The following AP1B1 variants were observed in gnomAD, a reference collection of about 807,000 sequenced individuals.
AP1B1 encodes adaptor related protein complex 1 subunit beta 1, also known as AP-1 complex subunit beta-1.
Under a neutral mutation model 104.3 loss-of-function variants are expected in AP1B1, and 36 were observed. The ratio of observed to expected loss-of-function variants is 0.35; its 90% CI spans 0.26 to 0.46. AP1B1 has a LOEUF of 0.46. Among genes scored for constraint, AP1B1 ranks in the 20% least tolerant of loss-of-function variants. The probability of loss-of-function intolerance (pLI) is 1.00; values close to 1 mark genes in which losing one functional copy is unlikely to be tolerated. For synonymous variants in AP1B1, 504 were observed against 517.5 expected, an observed-to-expected ratio of 0.97 and a Z score of 0.35; for missense variants, 901 against 1,247.9, an observed-to-expected ratio of 0.72 and a Z score of 4.19.
intron 1 of AP1B1, among the ~76,000 whole-genome samples, chr22:29,380,234 T>G (rs2148053169): frequency 6.6e-6 from 1 of 152,302 alleles, no homozygotes; most frequent in South Asian, 2.1e-4. Context: ...TACGCCACTG[T>G]CTGCGCCTTC....
At chr22:29,343,128 A>G (rs2061738846) in intron 11 of AP1B1, among the ~76,000 whole-genome samples, 1 of 152,260 alleles carries the variant, frequency 6.6e-6, no homozygotes, top group African/African-American at 2.4e-5. Context: ...CACTTAAGAA[A>G]TACTTGCTGA....
Position 29,334,364 on chromosome 22 carries a change from G to A in AP1B1, c.2210C>T (p.Thr737Ile), listed in dbSNP as rs1325614008. 1.2e-6 allele frequency: 2 copies of A among 1,611,346 alleles called. No homozygotes were observed. The highest frequency in any genetic ancestry group is 2.2e-5 in the East Asian group (1 of 44,650). The change falls in exon 17 of 23, where the codon ACC becomes ATC. Residue 737 changes from threonine (T) to isoleucine (I), a missense_variant. Physicochemically the swap from Thr to Ile is moderately conservative, Grantham distance 89. Coordinates refer to ENST00000357586, the MANE Select transcript of AP1B1 (RefSeq NM_001127.4). ...MKAKGLEISGTFTRQVGSISM... is the reference protein window; with the variant it reads ...MKAKGLEISGIFTRQVGSISM... ...GATGGAGCCCACCTGGCGGGTGAAG[G>A]TGCCTGAGATCTCCAGCCCCTTAGC... is the stretch of plus-strand genomic sequence containing the variant.
At position 29,328,648 on chromosome 22, in the gene AP1B1, A is replaced by AG; in HGVS notation, c.*172dup. Reference sequence around the variant, plus strand: ...GAGTGCACTGCGCTCTCACCCCAGGAGGGGGTGGTGCCCTACCCCAGGGAT... The same window carrying AG: ...GAGTGCACTGCGCTCTCACCCCAGGAGGGGGGTGGTGCCCTACCCCAGGGAT... On this transcript the variant is annotated 3_prime_UTR_variant, in exon 23 of 23. Transcript: ENST00000357586. This position sits in a 1 kb window ranked among gnomAD's most constrained non-coding sequence, Gnocchi z 4.1. The AG allele has an allele frequency of 1.4e-6, 1 of 735,280 alleles. No homozygotes were observed. 45.5% of individuals were successfully genotyped at this position (735,280 alleles called of 1,614,324 possible).
chr22:29,339,423 C>A (rs140415745), intron 15 of AP1B1, among the ~76,000 whole-genome samples: 1 of 152,238 alleles, frequency 6.6e-6, no homozygotes, highest in East Asian at 1.9e-4. Context: ...TCCCAAGACA[C>A]ACGGCTGGGT....
intron 3 of AP1B1, among the ~76,000 whole-genome samples, chr22:29,360,647 G>A (rs190749836): frequency 1.1e-3 from 163 of 152,308 alleles, no homozygotes; most frequent in Middle Eastern, 6.8e-3. Context: ...GTCAGGGGAT[G>A]ATCCCCATTT....
chr22:29,345,337 A>G (rs60098244), intron 11 of AP1B1, among the ~76,000 whole-genome samples: 4,531 of 143,054 alleles, frequency 0.032, 267 homozygotes, highest in African/African-American at 0.11. Context: ...GGTTACAGGC[A>G]TGAGCTGCTG....
chr22:29,330,244 C>T, intron 21 of AP1B1, 134 bp downstream of exon 21: 1 of 1,504,516 alleles, frequency 6.6e-7, no homozygotes, highest in South Asian at 1.2e-5. Flanking sequence ...AAAGGTCCTT[C>T]TCAGGGACCA....
intron 10 of AP1B1, among the ~76,000 whole-genome samples, chr22:29,349,665 C>T (rs1486446114): frequency 6.6e-6 from 1 of 152,116 alleles, no homozygotes; most frequent in Non-Finnish European, 1.5e-5. Flanking sequence ...AGGGACATGC[C>T]ACCACATCCA....
Position 29,349,278 on chromosome 22 carries a change from G to A in AP1B1, c.1377C>T (p.Ile459=), listed in dbSNP as rs771230207. Residue 459 remains isoleucine (I), a synonymous_variant, in exon 11 of 23, where the codon ATC becomes ATT. Coordinates refer to ENST00000357586, the MANE Select transcript of AP1B1 (RefSeq NM_001127.4). ...IWIVGEYAER[I]DNADELLESF... is the part of the protein sequence containing the mutation. ...TCTCCAGCAGCTCATCTGCGTTGTC[G>A]ATCCGTTCCGCGTACTCGCCCACAA... 11 of 1,613,858 alleles carry A rather than the reference G, an allele frequency of 6.8e-6. No individual in the cohort carries two copies. The highest frequency in any genetic ancestry group is 5.3e-5 in the African/African-American group (4 of 74,926).
chr22:29,344,679 C>T (rs2061764427), intron 11 of AP1B1, among the ~76,000 whole-genome samples: 1 of 151,902 alleles, frequency 6.6e-6, no homozygotes, highest in Non-Finnish European at 1.5e-5. Flanking sequence ...CACACACCAT[C>T]ACACCTGGCT....
chr22:29,341,453 G>A (rs1457072459), intron 13 of AP1B1, 48 bp downstream of exon 13: 1 of 1,583,202 alleles, frequency 6.3e-7, no homozygotes, highest in African/African-American at 1.3e-5. Flanking sequence ...CTGCTAAACT[G>A]GGGAAGCAGA....
chr22:29,330,340 A>AG, intron 21 of AP1B1, 38 bp downstream of exon 21: 1 of 1,608,918 alleles, frequency 6.2e-7, no homozygotes, highest in East Asian at 2.2e-5. Context: ...GACGAAGGGG[A>AG]GGCTCCAAGG....
At chr22:29,336,804 C>CAAA (rs1174010439) in intron 16 of AP1B1, among the ~76,000 whole-genome samples, 12 of 72,960 alleles carry the variant, frequency 1.6e-4, no homozygotes, top group African/African-American at 4.3e-4. Context: ...AACTCTGTCT[C>CAAA]AAAAAAAAAA....
chr22:29,370,006 T>C (rs553697022), intron 1 of AP1B1, among the ~76,000 whole-genome samples: 2 of 151,796 alleles, frequency 1.3e-5, no homozygotes, highest in East Asian at 1.9e-4. Context: ...GACTTGAGAG[T>C]GTAACTGCCA....
intron 1 of AP1B1, among the ~76,000 whole-genome samples, chr22:29,373,067 C>T (rs1272847333): frequency 6.6e-6 from 1 of 152,166 alleles, no homozygotes; most frequent in Non-Finnish European, 1.5e-5. Flanking sequence ...GGACAAATTG[C>T]TTGAGGCCAG....
chr22:29,382,234 G>T (rs2148057273), intron 1 of AP1B1, among the ~76,000 whole-genome samples: 1 of 152,060 alleles, frequency 6.6e-6, no homozygotes, highest in South Asian at 2.1e-4. Context: ...CAAGTTTTTT[G>T]TGGAGTCTCG....
intron 2 of AP1B1, among the ~76,000 whole-genome samples, chr22:29,365,661 C>G (rs1807503): frequency 0.34 from 50,624 of 150,052 alleles, 8,717 homozygotes; most frequent in East Asian, 0.58. Context: ...TGGGCTCAAG[C>G]AAGTAATCCT....
At chr22:29,339,633 G>T in intron 15 of AP1B1, 121 bp downstream of exon 15, 1 of 1,066,626 alleles carries the variant, frequency 9.4e-7, no homozygotes, top group Non-Finnish European at 1.4e-6. Context: ...CTGGACCAAG[G>T]CAGGGGCTCA....
chr22:29,349,978 C>T, intron 10 of AP1B1, 57 bp downstream of exon 10: 1 of 1,357,550 alleles, frequency 7.4e-7, no homozygotes, highest in Non-Finnish European at 1.1e-6. Context: ...TTCTGCCCCG[C>T]CATCCCTGTC....
Sources: allele counts gnomAD v4.1 joint callset (sites outside exome capture counted in the v4.1 genomes callset), GRCh38; gene constraint gnomAD v4.1.1; non-coding constraint Gnocchi (gnomAD v3.1); transcripts MANE v1.5; gene names NCBI Gene and HGNC (gene_info 2026-07-23, HGNC 2026-07-21).